The following SUMF1 variants were observed in gnomAD, a reference collection of about 807,000 sequenced individuals.
SUMF1 encodes the protein formylglycine-generating enzyme.
SUMF1 carries 48 observed loss-of-function variants against 47.6 expected under a neutral mutation model. That is an observed-to-expected ratio of 1.01 (90% CI 0.80 to 1.28). The LOEUF (loss-of-function observed/expected upper bound fraction) is 1.28, where lower values mean the gene tolerates loss of function less well. SUMF1 is among the 50% of genes most tolerant of loss of function. SUMF1 has a pLI of 0.00. For missense variants in SUMF1, 571 were observed against 485.4 expected (o/e 1.18, Z -1.66); for synonymous variants, 230 against 192.1 (o/e 1.20, Z -1.63).
chr3:4,241,540 G>A (rs1696537649), intron 8 of SUMF1, among the ~76,000 whole-genome samples: 2 of 152,086 alleles, frequency 1.3e-5, no homozygotes, highest in African/African-American at 4.8e-5. Flanking sequence ...GAGTTATCAT[G>A]AGAACCAAAT....
intron 8 of SUMF1, among the ~76,000 whole-genome samples, chr3:4,214,989 T>A (rs1695886095): frequency 6.6e-6 from 1 of 152,180 alleles, no homozygotes; most frequent in African/African-American, 2.4e-5. Context: ...CTGGTACCAT[T>A]CATTCTGCAA....
chr3:4,361,592 A>C lies in SUMF1; in HGVS notation c.*552T>G, dbSNP rs10514655. ...TCACCACACCCCTCTTCCGAAAATA[A>C]TACATAAGAGAACTCTTACTTTACA... is the stretch of plus-strand genomic sequence containing the variant. On this transcript the variant is annotated 3_prime_UTR_variant, in exon 9 of 9. Coordinates refer to ENST00000272902, the MANE Select transcript of SUMF1 (RefSeq NM_182760.4). 4,467 of 160,266 alleles carry C rather than the reference A, an allele frequency of 0.028. 199 individuals carry two copies. The highest frequency in any genetic ancestry group is 0.1 in the African/African-American group (4,248 of 41,608). 9.9% of individuals were successfully genotyped at this position (160,266 alleles called of 1,614,324 possible).
At chr3:4,431,422 C>T (rs1702228492) in intron 3 of SUMF1, among the ~76,000 whole-genome samples, 1 of 152,222 alleles carries the variant, frequency 6.6e-6, no homozygotes. Context: ...GCATGCATTC[C>T]CCTATTCTGA....
chr3:4,297,564 ATTTTT>A (rs746612402), intron 8 of SUMF1, among the ~76,000 whole-genome samples: 2 of 113,878 alleles, frequency 1.8e-5, no homozygotes, highest in African/African-American at 7.0e-5. Flanking sequence ...CTACACCTGA[ATTTTT>A]TTTTTTTTTT....
chr3:4,445,169 T>C (rs1702737503), intron 3 of SUMF1, among the ~76,000 whole-genome samples: 1 of 152,222 alleles, frequency 6.6e-6, no homozygotes, highest in African/African-American at 2.4e-5. Context: ...GTCAGCTTTC[T>C]AGTTGTGAAA....
intron 1 of SUMF1, among the ~76,000 whole-genome samples, chr3:4,465,344 G>A (rs577212459): frequency 2.6e-5 from 4 of 152,210 alleles, no homozygotes; most frequent in Admixed American, 6.5e-5. Flanking sequence ...GTATGGTGGC[G>A]TGTGCCTGTA....
intron 9 of SUMF1, among the ~76,000 whole-genome samples, chr3:4,054,405 A>C (rs1295704981): frequency 6.6e-6 from 1 of 152,198 alleles, no homozygotes; most frequent in African/African-American, 2.4e-5. Context: ...AACCTTGCTG[A>C]CAACAGCAAA....
intron 8 of SUMF1, among the ~76,000 whole-genome samples, chr3:4,367,878 A>G (rs1469923615): frequency 1.3e-5 from 2 of 151,982 alleles, no homozygotes; most frequent in African/African-American, 4.8e-5. Flanking sequence ...AAAGCCATAA[A>G]AACTCTAGAA....
chr3:4,313,026 C>G (rs1292813067), intron 8 of SUMF1: 1 of 1,613,816 alleles, frequency 6.2e-7, no homozygotes, highest in Non-Finnish European at 8.5e-7. Flanking sequence ...ATGGAGAGAA[C>G]TATGATGATA....
chr3:4,229,355 A>T (rs1308275496), intron 8 of SUMF1: 1 of 415,760 alleles, frequency 2.4e-6, no homozygotes, highest in Non-Finnish European at 4.8e-6. Flanking sequence ...CTTTCTTATA[A>T]ATGTCCACAG....
At chr3:4,118,492 T>C (rs1574899441) in intron 8 of SUMF1, among the ~76,000 whole-genome samples, 2 of 152,264 alleles carry the variant, frequency 1.3e-5, no homozygotes, top group East Asian at 3.9e-4. Flanking sequence ...CTAGTTTTCC[T>C]GAAGAACCTT....
At chr3:4,201,942 A>C (rs908157009) in intron 8 of SUMF1, among the ~76,000 whole-genome samples, 2 of 151,800 alleles carry the variant, frequency 1.3e-5, no homozygotes, top group African/African-American at 2.4e-5. Context: ...CCATTTTTTT[A>C]ATCTGATTAT....
intron 7 of SUMF1, among the ~76,000 whole-genome samples, chr3:4,389,427 T>C (rs1177610654): frequency 6.6e-6 from 1 of 152,098 alleles, no homozygotes; most frequent in African/African-American, 2.4e-5. Context: ...TATAACGGTG[T>C]CTTCTTGTAG....
At chr3:4,297,860 G>T (rs1294672276) in intron 8 of SUMF1, among the ~76,000 whole-genome samples, 1 of 152,032 alleles carries the variant, frequency 6.6e-6, no homozygotes, top group Non-Finnish European at 1.5e-5. Flanking sequence ...TAAAAGAATG[G>T]CTTCTGAATA....
At chr3:4,183,451 T>C (rs1050202095) in intron 8 of SUMF1, among the ~76,000 whole-genome samples, 1 of 152,158 alleles carries the variant, frequency 6.6e-6, no homozygotes, top group Admixed American at 6.6e-5. Context: ...CCTACTGAAT[T>C]TGTAATGTAA....
In SUMF1 at chr3:4,148,737, C is replaced by T. The variant is rs903187940; in HGVS notation, c.1015-79992G>A. On this transcript the variant is annotated intron_variant and NMD_transcript_variant, in intron 8 of 12. Transcript: ENST00000448413. ...AACAGTCAATGGACCACATTTGATC[C>T]ACAAACTAGAACACAGTTTACTAAT... Among the ~76,000 whole-genome samples, 101 of 152,082 alleles carry T rather than the reference C, an allele frequency of 6.6e-4. 1 individual carries two copies. The highest frequency in any genetic ancestry group is 6.2e-3 in the Admixed American group (94 of 15,264).
At chr3:4,162,955 A>G (rs1243560605) in intron 8 of SUMF1, among the ~76,000 whole-genome samples, 1 of 152,040 alleles carries the variant, frequency 6.6e-6, no homozygotes, top group Non-Finnish European at 1.5e-5. Flanking sequence ...AAAATGTGGA[A>G]TGCTTCACAG....
intron 8 of SUMF1, among the ~76,000 whole-genome samples, chr3:4,119,361 C>T (rs1693490023): frequency 6.6e-6 from 1 of 152,080 alleles, no homozygotes; most frequent in African/African-American, 2.4e-5. Context: ...TTTTCTTTGC[C>T]TGTCATTGGA....
intron 8 of SUMF1, among the ~76,000 whole-genome samples, chr3:4,113,709 C>G (rs79564619): frequency 0.05 from 7,607 of 151,934 alleles, 524 homozygotes; most frequent in East Asian, 0.15. Context: ...CTCTTAACAA[C>G]AGGAAAAAAC....
Sources: allele counts gnomAD v4.1 joint callset (sites outside exome capture counted in the v4.1 genomes callset), GRCh38; gene constraint gnomAD v4.1.1; transcripts MANE v1.5; gene names NCBI Gene and HGNC (gene_info 2026-07-23, HGNC 2026-07-21).